The following ANKIB1 variants were observed in gnomAD, a reference collection of about 807,000 sequenced individuals.
The protein encoded by ANKIB1 is ankyrin repeat and IBR domain-containing protein 1.
Under a neutral mutation model 122.1 loss-of-function variants are expected in ANKIB1, and 43 were observed. That is an observed-to-expected ratio of 0.35 (90% CI 0.28 to 0.45). The LOEUF (loss-of-function observed/expected upper bound fraction) is 0.45, where lower values mean the gene tolerates loss of function less well. Among genes scored for constraint, ANKIB1 ranks in the 20% least tolerant of loss-of-function variants. The pLI is 1.00. For synonymous variants in ANKIB1, 390 were observed against 442.0 expected, an observed-to-expected ratio of 0.88 and a Z score of 1.48; for missense variants, 992 against 1,329.5, an observed-to-expected ratio of 0.75 and a Z score of 3.95.
Position 92,338,181 on chromosome 7 carries a change from G to A in ANKIB1, c.788-4843G>A, listed in dbSNP as rs141493434. Among the ~76,000 whole-genome samples the A allele has an allele frequency of 6.4e-4, 97 of 151,908 alleles. 1 individual carries two copies. Among genetic ancestry groups the A allele is most frequent in the Non-Finnish European group, 7.8e-4 (53 of 67,964 alleles). On this transcript the variant is annotated intron_variant, in intron 5 of 19. Transcript: ENST00000265742. Reference sequence around the variant, plus strand: ...ATTTTAGCACTTGGGGAGCCAAGGCGAGAAGATCACCTGAGCTCAGGAGTT... The same window carrying A: ...ATTTTAGCACTTGGGGAGCCAAGGCAAGAAGATCACCTGAGCTCAGGAGTT...
At chr7:92,294,624 T>G (rs1802314372) in intron 1 of ANKIB1, 1 of 342,370 alleles carries the variant, frequency 2.9e-6, no homozygotes. Context: ...GTTTTATATA[T>G]AGATAATTTT....
intron 1 of ANKIB1, among the ~76,000 whole-genome samples, chr7:92,267,042 A>T (rs1270188674): frequency 6.6e-6 from 1 of 152,170 alleles, no homozygotes; most frequent in Non-Finnish European, 1.5e-5. Context: ...ACAGTCAGGG[A>T]GTGGTGAGAA....
rs55936298 is a variant in ANKIB1, at chr7:92,371,950, G to GGTGTGTGTGT, written c.1617+396_1617+405dup. Among the ~76,000 whole-genome samples, 173 of 118,140 alleles carry GGTGTGTGTGT rather than the reference G, an allele frequency of 1.5e-3. 2 individuals are homozygous for GGTGTGTGTGT. Among genetic ancestry groups the GGTGTGTGTGT allele is most frequent in the East Asian group, 5.2e-3 (19 of 3,650 alleles). 77.5% of individuals were successfully genotyped at this position (118,140 alleles called of 152,430 possible). A position where few individuals can be genotyped will look rare whatever the true frequency, so the allele number is the denominator to read the frequency against. ...TCCCCAGTGAGAGTCTTGAGAGAGG[G>GGTGTGTGTGT]GTGTGTGTGTGTGTGTGTGTGTGTG... On this transcript the variant is annotated intron_variant, in intron 11 of 19. Coordinates refer to ENST00000265742, the MANE Select transcript of ANKIB1 (RefSeq NM_019004.2).
At chr7:92,333,819 GTCTA>G (rs1396668999) in intron 5 of ANKIB1, among the ~76,000 whole-genome samples, 4 of 152,088 alleles carry the variant, frequency 2.6e-5, no homozygotes, top group African/African-American at 9.7e-5. Context: ...CATATTTAAT[GTCTA>G]TCTGTCTTAG....
intron 10 of ANKIB1, among the ~76,000 whole-genome samples, chr7:92,366,760 T>C (rs1286010795): frequency 6.6e-5 from 10 of 152,162 alleles, no homozygotes; most frequent in Admixed American, 6.5e-4. Context: ...ATTACCCCGA[T>C]TTTACAGAGG....
chr7:92,330,800 C>T (rs1803156282), intron 5 of ANKIB1, among the ~76,000 whole-genome samples: 1 of 152,096 alleles, frequency 6.6e-6, no homozygotes, highest in Non-Finnish European at 1.5e-5. Context: ...GGAGATTGTG[C>T]TACTGCACTC....
chr7:92,311,170 C>G (rs1209855214), intron 3 of ANKIB1, among the ~76,000 whole-genome samples: 1 of 151,948 alleles, frequency 6.6e-6, no homozygotes, highest in Non-Finnish European at 1.5e-5. Flanking sequence ...TCATTGGTAC[C>G]AAGCATGATA....
In ANKIB1 at chr7:92,257,208, GAAAAAAAGAAAAAA is replaced by G. The variant is rs572714639; in HGVS notation, c.-91+10692_-91+10705del. Among the ~76,000 whole-genome samples, 43 of 150,686 alleles carry G rather than the reference GAAAAAAAGAAAAAA, an allele frequency of 2.9e-4. 1 individual carries two copies. In the South Asian group the frequency reaches 8.8e-3, roughly 31 times the overall value. On this transcript the variant is annotated intron_variant, in intron 1 of 19. Coordinates refer to ENST00000265742, the MANE Select transcript of ANKIB1 (RefSeq NM_019004.2). Reference sequence around the variant, plus strand: ...TCTCGAAAAGAAAAAAAAAAAGAGAGAAAAAAAGAAAAAAAAGAAAAGAAAAATTGTTACAATGA... The same window carrying G: ...TCTCGAAAAGAAAAAAAAAAAGAGAGAAGAAAAGAAAAATTGTTACAATGA...
At chr7:92,249,744 T>C (rs1235941014) in intron 1 of ANKIB1, among the ~76,000 whole-genome samples, 1 of 151,680 alleles carries the variant, frequency 6.6e-6, no homozygotes, top group Non-Finnish European at 1.5e-5. Flanking sequence ...ATAAGCACAA[T>C]AGATGCCATT....
chr7:92,316,329 T>C (rs537880689), intron 3 of ANKIB1, among the ~76,000 whole-genome samples: 27 of 152,316 alleles, frequency 1.8e-4, no homozygotes, highest in Non-Finnish European at 1.6e-4. Context: ...CACAACACTT[T>C]AGCAGCTATC....
chr7:92,280,989 C>T (rs1238345057), intron 1 of ANKIB1, among the ~76,000 whole-genome samples: 5 of 152,140 alleles, frequency 3.3e-5, no homozygotes, highest in Admixed American at 1.3e-4. Flanking sequence ...TTAGAGAACT[C>T]ACAGGACTCA....
At chr7:92,309,536 A>G (rs961945565) in intron 3 of ANKIB1, among the ~76,000 whole-genome samples, 3 of 152,200 alleles carry the variant, frequency 2.0e-5, no homozygotes, top group African/African-American at 7.2e-5. Context: ...AATTCCTGCT[A>G]TAATGACTCA....
intron 11 of ANKIB1, among the ~76,000 whole-genome samples, chr7:92,377,070 A>G (rs1423650031): frequency 1.3e-5 from 2 of 152,300 alleles, no homozygotes; most frequent in African/African-American, 4.8e-5. Context: ...TGGCTAACTG[A>G]CACAAGAAGC....
At chr7:92,272,738 G>A (rs1292736977) in intron 1 of ANKIB1, among the ~76,000 whole-genome samples, 1 of 152,166 alleles carries the variant, frequency 6.6e-6, no homozygotes, top group African/African-American at 2.4e-5. Context: ...ATAAGAATAT[G>A]GTCGTGTGTC....
chr7:92,308,293 G>C (rs1417496996), intron 3 of ANKIB1, among the ~76,000 whole-genome samples: 1 of 152,120 alleles, frequency 6.6e-6, no homozygotes, highest in African/African-American at 2.4e-5. Context: ...TATCTCTTAA[G>C]ATATTGGTCA....
rs760790650 is a variant in ANKIB1, at chr7:92,398,901, A to G, written c.3222A>G (p.Gln1074=). The change falls in exon 20 of 20, where the codon CAA becomes CAG. Residue 1074 remains glutamine, a synonymous_variant. Coordinates refer to ENST00000265742, the MANE Select transcript of ANKIB1 (RefSeq NM_019004.2). ...GAGATGGTTCAGATGTTTCAAGTCA[A>G]ACACCTCAAACCTCAAGTGACTGGC... ...NRGDGSDVSS[Q]TPQTSSDWLE... The G allele has an allele frequency of 2.2e-5, 36 of 1,602,384 alleles. No homozygotes were observed. Among genetic ancestry groups the G allele is most frequent in the Middle Eastern group, 1.7e-4 (1 of 6,046 alleles).
At chr7:92,379,050 G>C (rs1041205879) in intron 11 of ANKIB1, among the ~76,000 whole-genome samples, 42 of 152,320 alleles carry the variant, frequency 2.8e-4, no homozygotes, top group African/African-American at 1.0e-3. Flanking sequence ...GAAGTTCTTA[G>C]AAAGATTCCA....
chr7:92,326,379 T>C (rs1205468408), intron 4 of ANKIB1, among the ~76,000 whole-genome samples: 1 of 152,190 alleles, frequency 6.6e-6, no homozygotes, highest in African/African-American at 2.4e-5. Context: ...TGGAGAATCA[T>C]GATTAAATTC....
intron 19 of ANKIB1, 83 bp downstream of exon 19, chr7:92,397,942 T>C (rs1284250382): frequency 2.7e-6 from 4 of 1,474,732 alleles, no homozygotes; most frequent in African/African-American, 1.5e-5. Context: ...TTTCATCGCT[T>C]TCCTATTTCT....
Sources: allele counts gnomAD v4.1 joint callset (sites outside exome capture counted in the v4.1 genomes callset), GRCh38; gene constraint gnomAD v4.1.1; transcripts MANE v1.5; gene names NCBI Gene and HGNC (gene_info 2026-07-23, HGNC 2026-07-21).